The following KAT2B variants were observed in gnomAD, a reference collection of about 807,000 sequenced individuals.
The protein encoded by KAT2B is lysine acetyltransferase 2B, also known as histone acetyltransferase KAT2B.
KAT2B carries 36 observed loss-of-function variants against 105.9 expected under a neutral mutation model. The observed-to-expected ratio is 0.34, with a 90% CI of 0.26 to 0.45. The LOEUF (loss-of-function observed/expected upper bound fraction) is 0.45. Among genes scored for constraint, KAT2B ranks in the 20% least tolerant of loss-of-function variants. The pLI is 1.00. For missense variants in KAT2B, 820 were observed against 1,021.6 expected, an observed-to-expected ratio of 0.80 and a Z score of 2.69; for synonymous variants, 397 against 377.9, an observed-to-expected ratio of 1.05 and a Z score of -0.59.
intron 13 of KAT2B, among the ~76,000 whole-genome samples, chr3:20,141,133 C>T (rs886698615): frequency 3.9e-5 from 6 of 152,294 alleles, no homozygotes; most frequent in African/African-American, 1.4e-4. Flanking sequence ...TTCTCTAGCA[C>T]CAGTTTGATC....
chr3:20,084,627 C>T (rs1698582555), intron 2 of KAT2B, among the ~76,000 whole-genome samples: 1 of 152,004 alleles, frequency 6.6e-6, no homozygotes, highest in Non-Finnish European at 1.5e-5. Context: ...ACCACAAGCA[C>T]ATTTCATTAT....
At chr3:20,090,615 G>A (rs60596776) in intron 2 of KAT2B, among the ~76,000 whole-genome samples, 18,371 of 151,890 alleles carry the variant, frequency 0.12, 1,963 homozygotes, top group South Asian at 0.32. Context: ...GTGTATTTTT[G>A]CATCCATGTT....
At position 20,072,421 on chromosome 3, in the gene KAT2B, G is replaced by A; in HGVS notation, c.392G>A (p.Ser131Asn). The A allele has an allele frequency of 4.3e-6, 7 of 1,613,868 alleles. No individual in the cohort carries two copies. Among genetic ancestry groups the A allele is most frequent in the Non-Finnish European group, 5.9e-6 (7 of 1,179,772 alleles). Residue 131 changes from serine (S) to asparagine (N), a missense_variant, in exon 2 of 18, where the codon AGT becomes AAT. This residue lies in a region of KAT2B where 190 missense variants were observed against 176.7 expected (regional missense o/e 1.08). Coordinates refer to ENST00000263754, the MANE Select transcript of KAT2B (RefSeq NM_003884.5). ...GCCGACCTGCAGCAAATAATTGTCAGTCTAACAGAATCCTGTCGGAGTTGT... is the reference window on the plus strand; with the variant it reads ...GCCGACCTGCAGCAAATAATTGTCAATCTAACAGAATCCTGTCGGAGTTGT... ...PRADLQQIIV[S>N]LTESCRSCSH... is the part of the protein sequence containing the mutation.
intron 17 of KAT2B, among the ~76,000 whole-genome samples, chr3:20,151,443 GT>G (rs57662568): frequency 8.1e-4 from 121 of 149,614 alleles, no homozygotes; most frequent in African/African-American, 2.7e-3. Flanking sequence ...CAGAAGTGGG[GT>G]TTTTTTTTTC....
intron 11 of KAT2B, among the ~76,000 whole-genome samples, chr3:20,133,788 C>A (rs1316582807): frequency 6.6e-6 from 1 of 152,150 alleles, no homozygotes; most frequent in Non-Finnish European, 1.5e-5. Context: ...CCATTGCTGG[C>A]ACTGGGTACA....
rs934887786 is a variant in KAT2B, at chr3:20,111,501, G to T, written c.852-95G>T. 5.1e-5 allele frequency: 53 copies of T among 1,039,086 alleles called. 1 individual carries two copies. The East Asian group carries it at 1.2e-3, about 24-fold the overall frequency. The allele number at this position is 1,039,086 out of a possible 1,614,324, so 64.4% of individuals were successfully genotyped here. On this transcript the variant is annotated intron_variant, in intron 5 of 17. Coordinates refer to ENST00000263754, the MANE Select transcript of KAT2B (RefSeq NM_003884.5). Reference sequence around the variant, plus strand: ...GTTATTGCAGGCCTAGTTTTTTTCTGCTATAGTTAATAGTACGAGATAAAC... The same window carrying T: ...GTTATTGCAGGCCTAGTTTTTTTCTTCTATAGTTAATAGTACGAGATAAAC...
intron 1 of KAT2B, among the ~76,000 whole-genome samples, chr3:20,062,259 G>GATATATATA (rs376801435): frequency 0.4 from 29,908 of 74,232 alleles, 8,977 homozygotes; most frequent in Non-Finnish European, 0.46. Flanking sequence ...TATAAAATAT[G>GATATATATA]ATATATAATA....
chr3:20,095,229 G>A (rs764159478), intron 2 of KAT2B, 34 bp from the exon 3 acceptor site: 2 of 1,578,682 alleles, frequency 1.3e-6, no homozygotes, highest in Admixed American at 3.5e-5. Context: ...TTCCAATTGA[G>A]GTCTTACATA....
chr3:20,082,277 C>T (rs979016339), intron 2 of KAT2B, among the ~76,000 whole-genome samples: 21 of 152,080 alleles, frequency 1.4e-4, no homozygotes, highest in Admixed American at 3.9e-4. Context: ...TCAAATGATC[C>T]GCCCTCCTCA....
At chr3:20,071,332 T>C (rs34204839) in intron 1 of KAT2B, among the ~76,000 whole-genome samples, 26,764 of 152,196 alleles carry the variant, frequency 0.18, 3,085 homozygotes, top group Non-Finnish European at 0.26. Context: ...GTGTTACATG[T>C]TATTCTAACA....
intron 2 of KAT2B, among the ~76,000 whole-genome samples, chr3:20,080,341 A>G (rs1698497581): frequency 6.6e-6 from 1 of 152,134 alleles, no homozygotes; most frequent in Non-Finnish European, 1.5e-5. Context: ...TAGATCTGGA[A>G]GCTCACACCA....
At chr3:20,136,814 AG>A (rs2125188690) in intron 11 of KAT2B, 127 bp from the exon 12 acceptor site, 1 of 469,692 alleles carries the variant, frequency 2.1e-6, no homozygotes, top group Admixed American at 3.7e-5. Flanking sequence ...TATTTCATTC[AG>A]GAAAGGTCCT....
intron 11 of KAT2B, among the ~76,000 whole-genome samples, chr3:20,135,482 G>T (rs1002262202): frequency 6.6e-6 from 1 of 151,928 alleles, no homozygotes; most frequent in Non-Finnish European, 1.5e-5. Flanking sequence ...GTGAAACCCC[G>T]TCTCTACTAA....
intron 5 of KAT2B, among the ~76,000 whole-genome samples, chr3:20,108,010 A>C (rs966241952): frequency 2.6e-5 from 4 of 151,752 alleles, no homozygotes; most frequent in African/African-American, 9.7e-5. Context: ...GGGTTTCATC[A>C]TGTTCCCCAG....
intron 7 of KAT2B, among the ~76,000 whole-genome samples, chr3:20,115,703 A>G (rs559607899): frequency 8.5e-5 from 13 of 152,292 alleles, no homozygotes; most frequent in African/African-American, 3.1e-4. Context: ...TTGAGTAATG[A>G]CCACTGCCAT....
At chr3:20,127,671 C>G in intron 11 of KAT2B, 122 bp downstream of exon 11, 1 of 933,324 alleles carries the variant, frequency 1.1e-6, no homozygotes, top group South Asian at 1.7e-5. Flanking sequence ...GAGTTAAGGA[C>G]TTTCTGGGAA....
chr3:20,152,223 G>GTC, intron 17 of KAT2B, 109 bp from the exon 18 acceptor site: 1 of 645,824 alleles, frequency 1.5e-6, no homozygotes, highest in Non-Finnish European at 2.6e-6. Flanking sequence ...GCATTGGGAT[G>GTC]ATAAAAATGT....
intron 12 of KAT2B, among the ~76,000 whole-genome samples, chr3:20,138,028 TTGAC>T (rs1241626022): frequency 1.3e-5 from 2 of 152,228 alleles, no homozygotes; most frequent in African/African-American, 4.8e-5. Context: ...GGACTATTCT[TTGAC>T]TGCATATTAT....
At position 20,111,695 on chromosome 3, in the gene KAT2B, T is replaced by A. The variant is rs774922461; in HGVS notation, c.951T>A (p.Thr317=). The A allele has an allele frequency of 1.9e-6, 3 of 1,614,110 alleles. No individual in the cohort carries two copies. Among genetic ancestry groups the A allele is most frequent in the South Asian group, 1.1e-5 (1 of 91,080 alleles). ...GAACATTGCTTCGCTCGGTCTTCAC[T>A]GTTATGAGGCGACAACTCCTGGAAC... ...FGRTLLRSVF[T]VMRRQLLEQA... The change falls in exon 6 of 18, where the codon ACT becomes ACA. Residue 317 remains threonine, a synonymous_variant. Coordinates refer to ENST00000263754, the MANE Select transcript of KAT2B (RefSeq NM_003884.5).
Sources: gnomAD v4.1 joint callset for allele counts (sites outside exome capture counted in the v4.1 genomes callset) on GRCh38, gnomAD v4.1.1 for gene constraint, gnomAD v4.1.1 regional missense constraint, MANE v1.5 for transcripts, NCBI Gene and HGNC (gene_info 2026-07-23, HGNC 2026-07-21) for gene names.